The following OR8G1 variants were observed in gnomAD, a reference collection of about 807,000 sequenced individuals.
OR8G1 encodes olfactory receptor family 8 subfamily G member 1.
For missense variants in OR8G1, 372 were observed against 356.2 expected (o/e 1.04, Z -0.36); for synonymous variants, 129 against 133.3 (o/e 0.97, Z 0.22).
chr11:124,250,544 A>G lies in OR8G1; in HGVS notation c.869A>G (p.Tyr290Cys). 1.7e-6 allele frequency: 2 copies of G among 1,144,072 alleles called. 1 individual carries two copies. The highest frequency in any genetic ancestry group is 2.3e-6 in the Non-Finnish European group (2 of 852,696). 70.9% of individuals were successfully genotyped at this position (1,144,072 alleles called of 1,614,324 possible). ...IIVPMLNPLI[Y>C]SLRNKDVHVS... is the part of the protein sequence containing the mutation. ...GTGCCCATGTTGAACCCTCTGATTT[A>G]TAGCCTGAGGAATAAAGATGTCCAT... Residue 290 changes from tyrosine (Y) to cysteine (C), a missense_variant, in exon 3 of 3, where the codon TAT (tyrosine) becomes TGT (cysteine). By Grantham distance (194) the Tyr-to-Cys change is radical. Transcript: ENST00000641972.
At position 124,250,167 on chromosome 11, in the gene OR8G1, T is replaced by C; in HGVS notation, c.492T>C (p.Phe164=). The C allele has an allele frequency of 6.2e-7, 1 of 1,613,830 alleles. No homozygotes were observed. The highest frequency in any genetic ancestry group is 1.1e-5 in the South Asian group (1 of 91,088). ...CATCAGTTCATACAGGCTGTATGTT[T>C]AGGGTTCAATTCTGCAAATTTGATT... is the stretch of plus-strand genomic sequence containing the variant. ...VCASVHTGCM[F]RVQFCKFDLI... Residue 164 remains phenylalanine (F), a synonymous_variant, in exon 3 of 3, where the codon TTT becomes TTC. Coordinates refer to ENST00000641972, the MANE Select transcript of OR8G1 (RefSeq NM_001002905.2).
chr11:124,243,879 T>G (rs905996208), intron 1 of OR8G1, among the ~76,000 whole-genome samples: 1 of 151,798 alleles, frequency 6.6e-6, no homozygotes, highest in Non-Finnish European at 1.5e-5. Context: ...CACATGTATA[T>G]CTATGTAACA....
Position 124,241,381 on chromosome 11 carries a change from A to G in OR8G1, c.-97+17A>G, listed in dbSNP as rs1416256851. 18 of 152,260 alleles carry G rather than the reference A, an allele frequency of 1.2e-4. No homozygotes were observed. Among genetic ancestry groups the G allele is most frequent in the Non-Finnish European group, 5.9e-5 (4 of 68,012 alleles). The allele number at this position is 152,260 out of a possible 1,614,324, so 9.4% of individuals were successfully genotyped here. ...AGTGGAAAGGTGAGTGTTTTCATCC[A>G]TCACTTGTGATTTGAGACTATTAGA... On this transcript the variant is annotated intron_variant, in intron 1 of 2. Coordinates refer to ENST00000641972, the MANE Select transcript of OR8G1 (RefSeq NM_001002905.2).
chr11:124,250,134 G>C lies in OR8G1; in HGVS notation c.459G>C (p.Leu153=). 1 of 1,613,684 alleles carries C rather than the reference G, an allele frequency of 6.2e-7. No individual in the cohort carries two copies. Among genetic ancestry groups the C allele is most frequent in the Non-Finnish European group, 8.5e-7 (1 of 1,179,802 alleles). The stretch of plus-strand genomic sequence containing the variant: ...TTTTAGGGGTGTATATAATAGGCCT[G>C]GTTTGTGCATCAGTTCATACAGGCT... The part of the protein sequence containing the change: ...SLILGVYIIG[L]VCASVHTGCM... The change falls in exon 3 of 3, where the codon CTG becomes CTC. Residue 153 remains leucine, a synonymous_variant. Coordinates refer to ENST00000641972, the MANE Select transcript of OR8G1 (RefSeq NM_001002905.2).
rs1461133687 is a variant in OR8G1 at position 124,250,510 on chromosome 11, A to G, written c.835A>G (p.Thr279Ala). 6.8e-6 allele frequency: 11 copies of G among 1,613,410 alleles called. No homozygotes were observed. The highest frequency in any genetic ancestry group is 8.5e-7 in the Non-Finnish European group (1 of 1,179,668). ...DQGKVSSVFY[T>A]IIVPMLNPLI... is the part of the protein sequence containing the mutation. ...GGGGAAAGTATCCTCTGTGTTTTAT[A>G]CTATTATTGTGCCCATGTTGAACCC... Residue 279 changes from threonine (T) to alanine (A), a missense_variant, in exon 3 of 3, where the codon ACT becomes GCT. Physicochemically the swap from Thr to Ala is moderately conservative, Grantham distance 58. Transcript: ENST00000641972.
At chr11:124,246,278 T>C (rs541737955) in intron 1 of OR8G1, among the ~76,000 whole-genome samples, 2 of 152,146 alleles carry the variant, frequency 1.3e-5, no homozygotes, top group Admixed American at 1.3e-4. Context: ...ATGTATTTTG[T>C]TAATTTTATT....
intron 2 of OR8G1, 50 bp from the exon 3 acceptor site, chr11:124,249,610 C>T (rs1861843988): frequency 1.3e-6 from 2 of 1,491,148 alleles, no homozygotes; most frequent in South Asian, 2.8e-5. Context: ...ATAATAAAGT[C>T]CCTCCCACAA....
rs1861849091 is a variant in OR8G1, at chr11:124,249,950, T to C, written c.275T>C (p.Ile92Thr). The C allele has an allele frequency of 6.2e-7, 1 of 1,613,860 alleles. No individual in the cohort carries two copies. Among genetic ancestry groups the C allele is most frequent in the African/African-American group, 1.3e-5 (1 of 74,894 alleles). ...LVNFVTEKNI[I>T]SYPECMTQLY... Reference sequence around the variant, plus strand: ...AACTTTGTGACAGAGAAGAACATCATCTCCTACCCTGAATGCATGACTCAG... The same window carrying C: ...AACTTTGTGACAGAGAAGAACATCACCTCCTACCCTGAATGCATGACTCAG... Residue 92 changes from isoleucine to threonine, a missense_variant, in exon 3 of 3, where the codon ATC becomes ACC. Coordinates refer to ENST00000641972, the MANE Select transcript of OR8G1 (RefSeq NM_001002905.2).
rs1003160880 is a variant in OR8G1 at position 124,248,725 on chromosome 11, A to G, written c.-17+845A>G. 8.5e-5 allele frequency among the ~76,000 whole-genome samples: 13 copies of G among 152,138 alleles called. 1 individual carries two copies. The East Asian group carries it at 2.3e-3, about 27-fold the overall frequency. On this transcript the variant is annotated intron_variant, in intron 2 of 2. Coordinates refer to ENST00000641972, the MANE Select transcript of OR8G1 (RefSeq NM_001002905.2). ...TTTTTTGTACTTCTTCCTAATTCACAAAAGTTAAAAGAAGAGAAAAAAAAT... is the reference window on the plus strand; with the variant it reads ...TTTTTTGTACTTCTTCCTAATTCACGAAAGTTAAAAGAAGAGAAAAAAAAT...
intron 2 of OR8G1, 21 bp downstream of exon 2, chr11:124,247,901 T>A (rs2137748502): frequency 6.6e-6 from 1 of 152,052 alleles, no homozygotes; most frequent in South Asian, 2.1e-4. Context: ...AGGAGCAGAA[T>A]TATTATATTG....
At chr11:124,244,755 C>A (rs79343401) in intron 1 of OR8G1, among the ~76,000 whole-genome samples, 2,643 of 151,990 alleles carry the variant, frequency 0.017, 89 homozygotes, top group African/African-American at 0.06. Context: ...ATATTGAGAT[C>A]CAGTATCTTA....
rs764940563 is a variant in OR8G1 at position 124,249,960 on chromosome 11, T to C, written c.285T>C (p.Pro95=). ...FVTEKNIISY[P]ECMTQLYFFL... Reference sequence around the variant, plus strand: ...CAGAGAAGAACATCATCTCCTACCCTGAATGCATGACTCAGCTCTACTTCT... The same window carrying C: ...CAGAGAAGAACATCATCTCCTACCCCGAATGCATGACTCAGCTCTACTTCT... The change falls in exon 3 of 3, where the codon CCT becomes CCC. Residue 95 remains proline (P), a synonymous_variant. Coordinates refer to ENST00000641972, the MANE Select transcript of OR8G1 (RefSeq NM_001002905.2). 6.2e-7 allele frequency: 1 copy of C among 1,613,884 alleles called. No individual in the cohort carries two copies. The highest frequency in any genetic ancestry group is 8.5e-7 in the Non-Finnish European group (1 of 1,179,930).
chr11:124,246,421 A>C (rs1303807746), intron 1 of OR8G1, among the ~76,000 whole-genome samples: 1 of 151,952 alleles, frequency 6.6e-6, no homozygotes, highest in East Asian at 1.9e-4. Flanking sequence ...AATGGAGAAT[A>C]ATGTGATTTG....
In OR8G1 at chr11:124,249,782, T is replaced by A; in HGVS notation, c.107T>A (p.Val36Glu). 1 of 1,613,914 alleles carries A rather than the reference T, an allele frequency of 6.2e-7. No individual in the cohort carries two copies. Among genetic ancestry groups the A allele is most frequent in the Admixed American group, 1.7e-5 (1 of 59,956 alleles). ...PLFLLFLGIY[V>E]VTVVGNLGMT... ...TTCCTCCTGTTCTTAGGAATCTATGTGGTCACAGTGGTGGGCAACCTGGGC... is the reference window on the plus strand; with the variant it reads ...TTCCTCCTGTTCTTAGGAATCTATGAGGTCACAGTGGTGGGCAACCTGGGC... Residue 36 changes from valine (V) to glutamate (E), a missense_variant, in exon 3 of 3, where the codon GTG (valine) becomes GAG (glutamate). Transcript: ENST00000641972.
At chr11:124,246,483 A>G (rs1861811587) in intron 1 of OR8G1, among the ~76,000 whole-genome samples, 2 of 151,938 alleles carry the variant, frequency 1.3e-5, no homozygotes, top group Admixed American at 1.3e-4. Flanking sequence ...TTTAGGCAAG[A>G]TACATTACTA....
intron 2 of OR8G1, among the ~76,000 whole-genome samples, chr11:124,249,308 A>G (rs2466704): frequency 0.89 from 134,583 of 151,878 alleles, 59,822 homozygotes; most frequent in African/African-American, 0.96. Context: ...TCCTTAGGCA[A>G]GGTTTGTTCT....
At chr11:124,246,874 AAAAAAAG>A (rs1283225140) in intron 1 of OR8G1, among the ~76,000 whole-genome samples, 1 of 35,400 alleles carries the variant, frequency 2.8e-5, no homozygotes, top group African/African-American at 2.4e-4. Flanking sequence ...AGCTAAAAAA[AAAAAAAG>A]GCCCCACATC....
intron 1 of OR8G1, among the ~76,000 whole-genome samples, chr11:124,245,163 C>T (rs12785782): frequency 7.7e-6 from 1 of 129,348 alleles, no homozygotes; most frequent in Admixed American, 8.6e-5. Context: ...ATCCCTCCCC[C>T]CTCCCCCCAC....
At position 124,250,509 on chromosome 11, in the gene OR8G1, T is replaced by C. The variant is rs1041200698; in HGVS notation, c.834T>C (p.Tyr278=). The change falls in exon 3 of 3, where the codon TAT becomes TAC. Residue 278 remains tyrosine (Y), a synonymous_variant. Transcript: ENST00000641972. ...AGGGGAAAGTATCCTCTGTGTTTTA[T>C]ACTATTATTGTGCCCATGTTGAACC... ...MDQGKVSSVF[Y]TIIVPMLNPL... 5 of 1,613,460 alleles carry C rather than the reference T, an allele frequency of 3.1e-6. No homozygotes were observed. Among genetic ancestry groups the C allele is most frequent in the South Asian group, 1.1e-5 (1 of 91,094 alleles).
Sources: allele counts gnomAD v4.1 joint callset (sites outside exome capture counted in the v4.1 genomes callset), GRCh38; gene constraint gnomAD v4.1.1; transcripts MANE v1.5; gene names NCBI Gene and HGNC (gene_info 2026-07-23, HGNC 2026-07-21).